The following PRKD3 variants were observed in gnomAD, a reference collection of about 807,000 sequenced individuals.
PRKD3 encodes the protein serine/threonine-protein kinase D3.
A neutral mutation model predicts 99.2 loss-of-function variants in PRKD3; 47 were observed. That is an observed-to-expected ratio of 0.47 (90% CI 0.38 to 0.60). The LOEUF is 0.60. Among genes scored for constraint, PRKD3 ranks in the 20% least tolerant of loss-of-function variants. PRKD3 has a pLI of 0.00. For synonymous variants in PRKD3, 392 were observed against 355.4 expected (o/e 1.10, Z -1.16); for missense variants, 1,019 against 1,088.4 (o/e 0.94, Z 0.90).
chr2:37,254,239 T>C lies in PRKD3; in HGVS notation c.2464A>G (p.Ser822Gly). 1 of 1,613,480 alleles carries C rather than the reference T, an allele frequency of 6.2e-7. No homozygotes were observed. The highest frequency in any genetic ancestry group is 1.3e-5 in the African/African-American group (1 of 75,044). ...GGATGACTAAGAGATTTGTCAACAC[T>C]GTAACGTTTTCTCATCTTCACTTGA... is the stretch of plus-strand genomic sequence containing the variant. ...LLQVKMRKRY[S>G]VDKSLSHPWL... The change falls in exon 18 of 19, where the codon AGT (serine) becomes GGT (glycine). Residue 822 changes from serine to glycine, a missense_variant. Ser to Gly is a moderately conservative substitution (Grantham distance 56). Coordinates refer to ENST00000234179, the MANE Select transcript of PRKD3 (RefSeq NM_005813.6).
At position 37,275,900 on chromosome 2, in the gene PRKD3, T is replaced by C. The variant is rs185920649; in HGVS notation, c.1297-56A>G. 152 of 1,555,792 alleles carry C rather than the reference T, an allele frequency of 9.8e-5. No individual in the cohort carries two copies. In the Middle Eastern group the frequency reaches 1.0e-3, roughly 11 times the overall value. ...TTCAAAAATGATTCCTCCAAAGTGC[T>C]TGTACCTAACTTTTCCCTTCATTTA... On this transcript the variant is annotated intron_variant, in intron 9 of 18. Transcript: ENST00000234179.
intron 2 of PRKD3, among the ~76,000 whole-genome samples, chr2:37,307,299 A>G (rs1422372531): frequency 2.0e-5 from 3 of 152,246 alleles, no homozygotes; most frequent in African/African-American, 7.2e-5. Flanking sequence ...GAATAAGGAA[A>G]AAGTTCAGGA....
intron 13 of PRKD3, chr2:37,269,409 TTC>T (rs1334807521): frequency 1.8e-6 from 1 of 559,142 alleles, no homozygotes; most frequent in East Asian, 3.0e-5. Flanking sequence ...AATTTTCTGA[TTC>T]TGTTAATTTT....
At chr2:37,273,784 T>C (rs1299452542) in intron 11 of PRKD3, among the ~76,000 whole-genome samples, 1 of 152,262 alleles carries the variant, frequency 6.6e-6, no homozygotes, top group East Asian at 1.9e-4. Flanking sequence ...AGCAACATAA[T>C]GTTAATGGGG....
intron 6 of PRKD3, among the ~76,000 whole-genome samples, chr2:37,285,910 A>G (rs1670072280): frequency 6.6e-6 from 1 of 152,220 alleles, no homozygotes; most frequent in Admixed American, 6.5e-5. Context: ...TATTAACAAA[A>G]GCATAATTCA....
At chr2:37,275,182 T>C in intron 10 of PRKD3, among the ~76,000 whole-genome samples, 1 of 140,826 alleles carries the variant, frequency 7.1e-6, no homozygotes, top group East Asian at 2.6e-4. Flanking sequence ...TTAGTCCACT[T>C]CCTAAGGCAA....
intron 8 of PRKD3, 127 bp downstream of exon 8, chr2:37,279,619 T>A (rs1343441005): frequency 1.0e-5 from 6 of 595,578 alleles, no homozygotes; most frequent in Non-Finnish European, 1.5e-5. Flanking sequence ...TGTAAAAGAA[T>A]TAGCCACAAT....
intron 2 of PRKD3, among the ~76,000 whole-genome samples, chr2:37,308,962 A>C (rs1163350902): frequency 6.6e-6 from 1 of 151,372 alleles, no homozygotes; most frequent in Non-Finnish European, 1.5e-5. Context: ...TTTCTCTCTT[A>C]TTTTTCAGAT....
At chr2:37,261,451 C>A (rs977139113) in intron 14 of PRKD3, among the ~76,000 whole-genome samples, 2 of 149,268 alleles carry the variant, frequency 1.3e-5, no homozygotes, top group African/African-American at 5.0e-5. Flanking sequence ...CATGCCATTG[C>A]ACTCCAGCCT....
chr2:37,257,023 T>C (rs1477415035), intron 16 of PRKD3, 94 bp from the exon 17 acceptor site: 4 of 1,322,886 alleles, frequency 3.0e-6, no homozygotes, highest in African/African-American at 1.5e-5. Flanking sequence ...CATTTCAACA[T>C]ACTTGCCAGC....
In PRKD3 at chr2:37,286,256, G is replaced by C. The variant is rs1670089737; in HGVS notation, c.831C>G (p.His277Gln). The C allele has an allele frequency of 9.9e-6, 16 of 1,614,146 alleles. No individual in the cohort carries two copies. Among genetic ancestry groups the C allele is most frequent in the Non-Finnish European group, 1.4e-5 (16 of 1,180,002 alleles). The stretch of plus-strand genomic sequence containing the variant: ...GACATATCGTGGGACGGGTGTAAGA[G>C]TGAACAGCAAATGTGTGTGGAACTT... ...RVKVPHTFAV[H>Q]SYTRPTICQY... The change falls in exon 6 of 19, where the codon CAC becomes CAG. Residue 277 changes from histidine (H) to glutamine (Q), a missense_variant. Physicochemically the swap from His to Gln is conservative, Grantham distance 24. Around this residue, in one of 3 missense-constraint regions of PRKD3, gnomAD observed 710 missense variants for 692.7 expected, o/e 1.02. Transcript: ENST00000234179.
At chr2:37,279,060 A>G (rs1194417492) in intron 8 of PRKD3, 1 of 152,204 alleles carries the variant, frequency 6.6e-6, no homozygotes, top group African/African-American at 2.4e-5. Context: ...TGATAAGCCA[A>G]ACTGAATAAA....
chr2:37,269,185 C>G (rs926795298), intron 13 of PRKD3: 3 of 192,928 alleles, frequency 1.6e-5, no homozygotes, highest in African/African-American at 7.0e-5. Context: ...TATCCTAAAT[C>G]GCAAAGTTGG....
At chr2:37,263,576 G>A (rs190908996) in intron 14 of PRKD3, among the ~76,000 whole-genome samples, 8 of 152,254 alleles carry the variant, frequency 5.3e-5, no homozygotes, top group Non-Finnish European at 1.0e-4. Flanking sequence ...ATTTGGTGTA[G>A]TATGATTTTC....
chr2:37,301,023 T>TTATTACC lies in PRKD3; in HGVS notation c.289-7753_289-7752insGGTAATA, dbSNP rs1479244498. 9.0e-4 allele frequency among the ~76,000 whole-genome samples: 13 copies of TTATTACC among 14,410 alleles called. No individual in the cohort carries two copies. The East Asian group carries it at 0.43, about 480-fold the overall frequency. The allele number at this position is 14,410 out of a possible 152,430, so 9.5% of individuals were successfully genotyped here. A position where few individuals can be genotyped will look rare whatever the true frequency, so the allele number is the denominator to read the frequency against. ...TTTGTAGTTTTAATTTGCATTTCTTTTTTTATTACAAGAAGTTGAACATTT... is the reference window on the plus strand; with the variant it reads ...TTTGTAGTTTTAATTTGCATTTCTTTTATTACCTTTTATTACAAGAAGTTGAACATTT... On this transcript the variant is annotated intron_variant, in intron 2 of 18. Coordinates refer to ENST00000234179, the MANE Select transcript of PRKD3 (RefSeq NM_005813.6).
intron 2 of PRKD3, among the ~76,000 whole-genome samples, chr2:37,295,155 T>C (rs965031981): frequency 2.0e-5 from 3 of 152,152 alleles, no homozygotes; most frequent in Admixed American, 6.6e-5. Flanking sequence ...TTCTTGCATG[T>C]CCGGTAAGTG....
chr2:37,319,009 G>C (rs903478646), intron 1 of PRKD3, among the ~76,000 whole-genome samples: 5 of 152,160 alleles, frequency 3.3e-5, no homozygotes, highest in Middle Eastern at 3.4e-3. Context: ...TGATTATTAG[G>C]CTTCTTAGCT....
In PRKD3 at chr2:37,256,655, T is replaced by TAAC; in HGVS notation, c.2413+6_2413+7insGTT. 2 of 1,342,222 alleles carry TAAC rather than the reference T, an allele frequency of 1.5e-6. No individual in the cohort carries two copies. Among genetic ancestry groups the TAAC allele is most frequent in the South Asian group, 1.7e-5 (1 of 60,316 alleles). The allele number at this position is 1,342,222 out of a possible 1,614,324, so 83.1% of individuals were successfully genotyped here. ...TTTTTTTTTTTTTTTTTTTTTTTTT[T>TAAC]TTTTACCTTCACCAGAAATTTCTCT... On this transcript the variant is annotated splice_region_variant and intron_variant, in intron 17 of 18. Coordinates refer to ENST00000234179, the MANE Select transcript of PRKD3 (RefSeq NM_005813.6).
At chr2:37,261,293 C>T (rs963555365) in intron 14 of PRKD3, among the ~76,000 whole-genome samples, 21 of 151,834 alleles carry the variant, frequency 1.4e-4, no homozygotes, top group African/African-American at 2.4e-4. Flanking sequence ...TCGAGACCAG[C>T]GTAGCAAACA....
Sources: allele counts gnomAD v4.1 joint callset (sites outside exome capture counted in the v4.1 genomes callset), GRCh38; gene constraint gnomAD v4.1.1; regional missense constraint gnomAD v4.1.1; transcripts MANE v1.5; gene names NCBI Gene and HGNC (gene_info 2026-07-23, HGNC 2026-07-21).